PCNX3: variants seen among roughly 807,000 people sequenced by gnomAD.
The protein encoded by PCNX3 is pecanex 3.
PCNX3 carries 58 observed loss-of-function variants against 207.2 expected under a neutral mutation model. The observed-to-expected ratio is 0.28, with a 90% CI of 0.23 to 0.35. The LOEUF (loss-of-function observed/expected upper bound fraction) is 0.35, where lower values mean the gene tolerates loss of function less well. Ranked by LOEUF, PCNX3 falls within the 10% of genes least tolerant of loss-of-function variation. The pLI is 1.00. For synonymous variants in PCNX3, 1,337 were observed against 1,183.5 expected, an observed-to-expected ratio of 1.13 and a Z score of -2.66; for missense variants, 2,410 against 2,774.4, an observed-to-expected ratio of 0.87 and a Z score of 2.95.
intron 10 of PCNX3, 146 bp from the exon 11 acceptor site, chr11:65,622,099 T>G: frequency 7.2e-7 from 1 of 1,380,634 alleles, no homozygotes; most frequent in Non-Finnish European, 9.5e-7. Context: ...GACAGGGGCC[T>G]TTATGTGCTG....
At chr11:65,627,376 A>G in intron 21 of PCNX3, 29 bp from the exon 22 acceptor site, 1 of 1,599,290 alleles carries the variant, frequency 6.3e-7, no homozygotes, top group South Asian at 1.1e-5. Flanking sequence ...TCCCCTACCA[A>G]GCACCCGATG....
rs1473388395 is a variant in PCNX3 at position 65,635,380 on chromosome 11, G to T, written c.5116G>T (p.Asp1706Tyr). The T allele has an allele frequency of 6.2e-7, 1 of 1,612,338 alleles. No individual in the cohort carries two copies. Among genetic ancestry groups the T allele is most frequent in the Non-Finnish European group, 8.5e-7 (1 of 1,179,700 alleles). Residue 1706 changes from aspartate to tyrosine, a missense_variant, in exon 31 of 35, where the codon GAT (aspartate) becomes TAT (tyrosine). Coordinates refer to ENST00000355703, the MANE Select transcript of PCNX3 (RefSeq NM_032223.4). The surrounding 1 kb of genome is among the most constrained non-coding windows in gnomAD (Gnocchi z 9.9). ...CCTGCTGGCGCTGCGCCATGTCCTG[G>T]ATGATGCCTCCGACGAGTACAAGAT... ...PSLLALRHVL[D>Y]DASDEYKIIM...
chr11:65,624,402 G>T (rs1202826999), intron 14 of PCNX3, 36 bp downstream of exon 14: 2 of 1,551,674 alleles, frequency 1.3e-6, no homozygotes, highest in South Asian at 2.4e-5. Context: ...GCCCAGGAGA[G>T]TGAGTCCCCG....
At position 65,626,710 on chromosome 11, in the gene PCNX3, C is replaced by G. The variant is rs1272341810; in HGVS notation, c.3380-194C>G. ...AGAGCACCTGCCATAAAGCAAGCCT[C>G]GATGTGCTAAGTGCCATGTGGAGCC... On this transcript the variant is annotated intron_variant, in intron 20 of 34. Transcript: ENST00000355703. 3 of 687,386 alleles carry G rather than the reference C, an allele frequency of 4.4e-6. No individual in the cohort carries two copies. In the Admixed American group the frequency reaches 8.9e-5, roughly 20 times the overall value. The allele number at this position is 687,386 out of a possible 1,614,324, so 42.6% of individuals were successfully genotyped here. A position where few individuals can be genotyped will look rare whatever the true frequency, so the allele number is the denominator to read the frequency against.
At position 65,619,530 on chromosome 11, in the gene PCNX3, T is replaced by C. The variant is rs376122434; in HGVS notation, c.1706-7T>C. On this transcript the variant is annotated splice_polypyrimidine_tract_variant and splice_region_variant and intron_variant, in intron 6 of 34. Coordinates refer to ENST00000355703, the MANE Select transcript of PCNX3 (RefSeq NM_032223.4). ...TCACTTACACTTGGGGGCCTCTCTC[T>C]GGGCAGCGGCCGAGGAGACTGGCAG... is the stretch of plus-strand genomic sequence containing the variant. 2.6e-5 allele frequency: 42 copies of C among 1,611,208 alleles called. No homozygotes were observed. The highest frequency in any genetic ancestry group is 3.5e-5 in the Non-Finnish European group (41 of 1,179,562).
In PCNX3 at chr11:65,618,261, C is replaced by T. The variant is rs1358249176; in HGVS notation, c.899C>T (p.Ser300Phe). 4 of 1,610,144 alleles carry T rather than the reference C, an allele frequency of 2.5e-6. No individual in the cohort carries two copies. The highest frequency in any genetic ancestry group is 1.1e-5 in the South Asian group (1 of 91,014). The part of the protein sequence containing the change: ...PTPQKAGSSD[S>F]CFSGTDRETL... ...CCCCAGAAAGCCGGCTCCTCAGACT[C>T]CTGCTTCAGCGGCACTGACAGGGAG... is the stretch of plus-strand genomic sequence containing the variant. The change falls in exon 6 of 35, where the codon TCC becomes TTC. Residue 300 changes from serine (S) to phenylalanine (F), a missense_variant. This residue lies in a region of PCNX3 where 1,104 missense variants were observed against 970.3 expected (regional missense o/e 1.14). Coordinates refer to ENST00000355703, the MANE Select transcript of PCNX3 (RefSeq NM_032223.4).
chr11:65,631,607 C>T (rs1227157158), intron 27 of PCNX3, among the ~76,000 whole-genome samples: 6 of 151,680 alleles, frequency 4.0e-5, no homozygotes, highest in Non-Finnish European at 5.9e-5. Flanking sequence ...TGCAGCCAGC[C>T]GAGATCGTGC....
chr11:65,620,691 C>T (rs1855040483), intron 9 of PCNX3, 140 bp from the exon 10 acceptor site: 1 of 1,210,822 alleles, frequency 8.3e-7, no homozygotes, highest in East Asian at 2.6e-5. Flanking sequence ...CTTCTGCCAC[C>T]TGACCCCAGC....
intron 12 of PCNX3, 28 bp downstream of exon 12, chr11:65,623,672 C>T (rs751139345): frequency 6.2e-7 from 1 of 1,602,576 alleles, no homozygotes; most frequent in South Asian, 1.1e-5. Context: ...GTGTTTCCTT[C>T]CCCACCCGAC....
intron 28 of PCNX3, 81 bp downstream of exon 28, chr11:65,634,437 C>T: frequency 2.0e-6 from 3 of 1,508,416 alleles, no homozygotes; most frequent in Non-Finnish European, 2.7e-6. Flanking sequence ...ATTTGGTTTC[C>T]TCTCACTCTG....
In PCNX3 at chr11:65,619,780, G is replaced by A. The variant is rs755825350; in HGVS notation, c.1856G>A (p.Arg619Gln). The A allele has an allele frequency of 3.5e-5, 56 of 1,581,010 alleles. No homozygotes were observed. Among genetic ancestry groups the A allele is most frequent in the African/African-American group, 1.7e-4 (13 of 74,508 alleles). ...AGCCTGCAGGAAGCTCAGCGGGGCC[G>A]GGCTGCCTCCCACTCCCGGGCGCTG... The part of the protein sequence containing the change: ...PSSLQEAQRG[R>Q]AASHSRALTL... The change falls in exon 8 of 35, where the codon CGG becomes CAG. Residue 619 changes from arginine (R) to glutamine (Q), a missense_variant. Coordinates refer to ENST00000355703, the MANE Select transcript of PCNX3 (RefSeq NM_032223.4).
Position 65,635,167 on chromosome 11 carries a change from CCT to C in PCNX3, c.4954-45_4954-44del. 6.2e-7 allele frequency: 1 copy of C among 1,605,134 alleles called. No homozygotes were observed. Among genetic ancestry groups the C allele is most frequent in the South Asian group, 1.1e-5 (1 of 90,222 alleles). ...CAGCATGGGCAGGTGGGGGATGAAG[CCT>C]CTCTCCAGGGCAGGGGCCACTGACC... On this transcript the variant is annotated intron_variant, in intron 30 of 34. Coordinates refer to ENST00000355703, the MANE Select transcript of PCNX3 (RefSeq NM_032223.4). This position sits in a 1 kb window ranked among gnomAD's most constrained non-coding sequence, Gnocchi z 9.9.
At chr11:65,630,325 C>G (rs767215919) in intron 26 of PCNX3, 26 bp from the exon 27 acceptor site, 3 of 1,609,258 alleles carry the variant, frequency 1.9e-6, no homozygotes, top group Non-Finnish European at 8.5e-7. Context: ...TCTAGCAGCC[C>G]CTGACTGCAC....
intron 29 of PCNX3, 101 bp downstream of exon 29, chr11:65,634,742 G>C: frequency 7.9e-7 from 1 of 1,268,774 alleles, no homozygotes; most frequent in Non-Finnish European, 1.1e-6. Context: ...AGAAACTGCA[G>C]TGGCCCTTCC....
rs1855433845 is a variant in PCNX3, at chr11:65,627,129, A to G, written c.3524+81A>G. On this transcript the variant is annotated intron_variant, in intron 21 of 34. Coordinates refer to ENST00000355703, the MANE Select transcript of PCNX3 (RefSeq NM_032223.4). ...GGGGAAACTGAGGCCTAGAGAGGGA[A>G]TGAATCATGTCTAAGGTTGTTTAGC... 5 of 1,435,054 alleles carry G rather than the reference A, an allele frequency of 3.5e-6. No homozygotes were observed. In the East Asian group the frequency reaches 7.6e-5, roughly 22 times the overall value. 88.9% of individuals were successfully genotyped at this position (1,435,054 alleles called of 1,614,324 possible). A position where few individuals can be genotyped will look rare whatever the true frequency, so the allele number is the denominator to read the frequency against.
At chr11:65,629,767 GCA>G in intron 26 of PCNX3, 32 bp downstream of exon 26, 2 of 1,543,216 alleles carry the variant, frequency 1.3e-6, no homozygotes, top group Non-Finnish European at 1.8e-6. Context: ...GGGTGGGCAG[GCA>G]CAGCTCGGGC....
chr11:65,617,256 C>G lies in PCNX3; in HGVS notation c.348C>G (p.Pro116=), dbSNP rs12790427. 14 of 1,601,998 alleles carry G rather than the reference C, an allele frequency of 8.7e-6. No homozygotes were observed. Among genetic ancestry groups the G allele is most frequent in the Non-Finnish European group, 9.4e-6 (11 of 1,174,402 alleles). ...AQGDSNPPRD[P]GVEMTVFRKV... is the part of the protein sequence containing the mutation. The stretch of plus-strand genomic sequence containing the variant: ...TGCTCTTTTTCACCGCCAGGGACCC[C>G]GGAGTGGAGATGACAGTGTTCCGGA... Residue 116 remains proline (P), a synonymous_variant, in exon 3 of 35, where the codon CCC becomes CCG. Coordinates refer to ENST00000355703, the MANE Select transcript of PCNX3 (RefSeq NM_032223.4).
intron 11 of PCNX3, among the ~76,000 whole-genome samples, chr11:65,623,148 T>C (rs1855199671): frequency 6.6e-6 from 1 of 152,186 alleles, no homozygotes; most frequent in South Asian, 2.1e-4. Context: ...CCTGTGTGCA[T>C]AGCGTGGCAC....
rs377458419 is a variant in PCNX3 at position 65,637,377 on chromosome 11, C to CTTTTTTTTTT, written c.*408_*417dup. On this transcript the variant is annotated 3_prime_UTR_variant, in exon 35 of 35. Coordinates refer to ENST00000355703, the MANE Select transcript of PCNX3 (RefSeq NM_032223.4). ...TTCTTTCTTTCCTTTTTTTTCTTTT[C>CTTTTTTTTTT]TTTTTTTTTTTTTTTTTTGTGCTTC... 1 of 132,500 alleles carries CTTTTTTTTTT rather than the reference C, an allele frequency of 7.5e-6. No homozygotes were observed. The highest frequency in any genetic ancestry group is 1.6e-5 in the Non-Finnish European group (1 of 62,998). The allele number at this position is 132,500 out of a possible 1,614,324, so 8.2% of individuals were successfully genotyped here.
Sources: allele counts gnomAD v4.1 joint callset (sites outside exome capture counted in the v4.1 genomes callset), GRCh38; gene constraint gnomAD v4.1.1; regional missense constraint gnomAD v4.1.1; non-coding constraint Gnocchi (gnomAD v3.1); transcripts MANE v1.5; gene names NCBI Gene and HGNC (gene_info 2026-07-23, HGNC 2026-07-21).